Variants in PHF3 observed in about 807,000 individuals in gnomAD.
The protein encoded by PHF3 is PHD finger protein 3.
PHF3 carries 41 observed loss-of-function variants against 178.4 expected under a neutral mutation model. The observed-to-expected ratio is 0.23, with a 90% CI of 0.18 to 0.30. The LOEUF (loss-of-function observed/expected upper bound fraction) is 0.30. Ranked by LOEUF, PHF3 falls within the 10% of genes least tolerant of loss-of-function variation. PHF3 has a pLI of 1.00. For synonymous variants in PHF3, 842 were observed against 800.5 expected, an observed-to-expected ratio of 1.05 and a Z score of -0.88; for missense variants, 2,346 against 2,398.1, an observed-to-expected ratio of 0.98 and a Z score of 0.45.
chr6:63,715,064 AAAT>A lies in PHF3; in HGVS notation c.*1360_*1362del, dbSNP rs1264332817. ...TACCTGTATTAATGAAGAAAAATAT[AAAT>A]AATTCCACAAAATTGATTGTTTTCC... On this transcript the variant is annotated 3_prime_UTR_variant, in exon 16 of 16. Transcript: ENST00000262043. The A allele has an allele frequency of 1.3e-5, 2 of 152,148 alleles. No individual in the cohort carries two copies. Among genetic ancestry groups the A allele is most frequent in the Non-Finnish European group, 2.9e-5 (2 of 67,984 alleles). 9.4% of individuals were successfully genotyped at this position (152,148 alleles called of 1,614,324 possible).
Position 63,694,725 on chromosome 6 carries a change from A to G in PHF3, c.2641A>G (p.Thr881Ala). 6.3e-7 allele frequency: 1 copy of G among 1,576,488 alleles called. No homozygotes were observed. ...AAGTGAAAAAATACCGAAAGAGTCT[A>G]CAACTGTTACTTGCACAGGAGAAAA... ...EKSEKIPKES[T>A]TVTCTGEKAS... Residue 881 changes from threonine (T) to alanine (A), a missense_variant, in exon 6 of 16, where the codon ACA becomes GCA. Thr to Ala is a moderately conservative substitution (Grantham distance 58). This residue lies in a region of PHF3 where 252 missense variants were observed against 232.0 expected (regional missense o/e 1.09). Coordinates refer to ENST00000262043, the MANE Select transcript of PHF3 (RefSeq NM_001370348.2).
chr6:63,695,827 G>A (rs1358488874), intron 6 of PHF3, among the ~76,000 whole-genome samples: 15 of 152,126 alleles, frequency 9.9e-5, no homozygotes, highest in Admixed American at 9.8e-4. Context: ...ATTGGTGAAG[G>A]AAATAGAGTC....
chr6:63,685,605 A>C lies in PHF3; in HGVS notation c.1883A>C (p.His628Pro). ...HVSHSSQKQC[H>P]KPQQQAPAMK... ...TCACATTCTAGCCAGAAACAGTGTC[A>C]TAAGCCTCAGCAACAGGCCCCAGCA... The change falls in exon 4 of 16, where the codon CAT (histidine) becomes CCT (proline). Residue 628 changes from histidine (H) to proline (P), a missense_variant. By Grantham distance (77) the His-to-Pro change is moderately conservative. Coordinates refer to ENST00000262043, the MANE Select transcript of PHF3 (RefSeq NM_001370348.2). 6.2e-7 allele frequency: 1 copy of C among 1,614,166 alleles called. No homozygotes were observed. The highest frequency in any genetic ancestry group is 8.5e-7 in the Non-Finnish European group (1 of 1,180,030).
At position 63,714,885 on chromosome 6, in the gene PHF3, A is replaced by G. The variant is rs961336815; in HGVS notation, c.*1177A>G. On this transcript the variant is annotated 3_prime_UTR_variant, in exon 16 of 16. Coordinates refer to ENST00000262043, the MANE Select transcript of PHF3 (RefSeq NM_001370348.2). ...CATATGCCAGTTTTACTTGAAAAAAAAATATGAAAACTATTGTTAATTCAA... is the reference window on the plus strand; with the variant it reads ...CATATGCCAGTTTTACTTGAAAAAAGAATATGAAAACTATTGTTAATTCAA... 29 of 152,222 alleles carry G rather than the reference A, an allele frequency of 1.9e-4. No homozygotes were observed. The highest frequency in any genetic ancestry group is 6.7e-4 in the African/African-American group (28 of 41,538). 9.4% of individuals were successfully genotyped at this position (152,222 alleles called of 1,614,324 possible).
chr6:63,658,273 G>A (rs1012747260), intron 2 of PHF3, among the ~76,000 whole-genome samples: 2 of 152,106 alleles, frequency 1.3e-5, no homozygotes, highest in Admixed American at 6.6e-5. Context: ...TTCATGCTCT[G>A]TTTTAGTAAT....
Position 63,694,644 on chromosome 6 carries a change from G to A in PHF3, c.2560G>A (p.Ala854Thr), listed in dbSNP as rs73441021. 5.1e-4 allele frequency: 814 copies of A among 1,588,874 alleles called. 4 individuals carry two copies. In the African/African-American group the frequency reaches 0.01, roughly 20 times the overall value. The change falls in exon 6 of 16, where the codon GCT (alanine) becomes ACT (threonine). Residue 854 changes from alanine to threonine, a missense_variant. Around this residue, in one of 8 missense-constraint regions of PHF3, gnomAD observed 252 missense variants for 232.0 expected, o/e 1.09. Coordinates refer to ENST00000262043, the MANE Select transcript of PHF3 (RefSeq NM_001370348.2). ...TAATGAAATTAAAAAATGGCAGCTA[G>A]CTCCTCTTCGTAAGATGGGACAACC... The part of the protein sequence containing the change: ...RDNEIKKWQL[A>T]PLRKMGQPVL...
intron 6 of PHF3, among the ~76,000 whole-genome samples, chr6:63,697,942 A>G (rs1409145406): frequency 1.3e-5 from 2 of 152,208 alleles, no homozygotes; most frequent in African/African-American, 2.4e-5. Context: ...GTTCAGATCA[A>G]AATTTCTGAA....
chr6:63,657,156 C>T (rs1255346433), intron 2 of PHF3, among the ~76,000 whole-genome samples: 1 of 152,164 alleles, frequency 6.6e-6, no homozygotes, highest in Non-Finnish European at 1.5e-5. Flanking sequence ...TTATGTCTTT[C>T]TAGATGCTTA....
chr6:63,699,345 A>T (rs1178521465), intron 8 of PHF3, among the ~76,000 whole-genome samples: 1 of 152,200 alleles, frequency 6.6e-6, no homozygotes, highest in East Asian at 1.9e-4. Context: ...TTTGCTATAG[A>T]TTACTCTAGG....
Position 63,646,732 on chromosome 6 carries a change from A to G in PHF3, c.181A>G (p.Asn61Asp). The G allele has an allele frequency of 6.2e-7, 1 of 1,611,758 alleles. No individual in the cohort carries two copies. The highest frequency in any genetic ancestry group is 8.5e-7 in the Non-Finnish European group (1 of 1,179,200). ...DKDPMLGSASNQFCLPVLDSN... is the reference protein window; with the variant it reads ...DKDPMLGSASDQFCLPVLDSN... Reference sequence around the variant, plus strand: ...GGATCCTATGCTAGGATCTGCAAGTAACCAGTTCTGTTTGCCTGTTTTGGA... The same window carrying G: ...GGATCCTATGCTAGGATCTGCAAGTGACCAGTTCTGTTTGCCTGTTTTGGA... The change falls in exon 2 of 16, where the codon AAC becomes GAC. Residue 61 changes from asparagine (N) to aspartate (D), a missense_variant. Asn to Asp is a conservative substitution (Grantham distance 23). Coordinates refer to ENST00000262043, the MANE Select transcript of PHF3 (RefSeq NM_001370348.2).
At chr6:63,671,541 A>G (rs1282493856) in intron 2 of PHF3, among the ~76,000 whole-genome samples, 1 of 152,202 alleles carries the variant, frequency 6.6e-6, no homozygotes, top group African/African-American at 2.4e-5. Flanking sequence ...CATTGAGAGT[A>G]GCTGCATGCT....
chr6:63,689,469 A>G (rs72884692), intron 4 of PHF3, among the ~76,000 whole-genome samples: 13,935 of 152,136 alleles, frequency 0.092, 870 homozygotes, highest in Non-Finnish European at 0.13. Flanking sequence ...AAATGATTCT[A>G]TTTTTCTCTG....
At chr6:63,679,796 C>T (rs1334794757) in intron 2 of PHF3, 1 of 610,248 alleles carries the variant, frequency 1.6e-6, no homozygotes, top group African/African-American at 1.8e-5. Flanking sequence ...TGACTAATTA[C>T]TTTACAAGGT....
At chr6:63,664,818 A>T (rs1224258277) in intron 2 of PHF3, among the ~76,000 whole-genome samples, 3 of 152,112 alleles carry the variant, frequency 2.0e-5, no homozygotes, top group Non-Finnish European at 4.4e-5. Flanking sequence ...TCGATTATAC[A>T]TACATTTAAA....
intron 6 of PHF3, among the ~76,000 whole-genome samples, chr6:63,697,078 ATGT>A (rs1465001332): frequency 4.6e-5 from 7 of 152,240 alleles, no homozygotes; most frequent in East Asian, 3.9e-4. Flanking sequence ...GAGAGAGATG[ATGT>A]TGATGATGTA....
intron 2 of PHF3, among the ~76,000 whole-genome samples, chr6:63,663,393 C>G (rs991638952): frequency 2.6e-5 from 4 of 152,092 alleles, no homozygotes; most frequent in Admixed American, 2.0e-4. Flanking sequence ...TTTCATAATT[C>G]CTTGGCAGTG....
At chr6:63,706,922 T>A (rs1196028639) in intron 13 of PHF3, 46 bp downstream of exon 13, 18 of 1,556,760 alleles carry the variant, frequency 1.2e-5, no homozygotes, top group Non-Finnish European at 1.6e-5. Flanking sequence ...TGATAATGTG[T>A]GTTTCTGAAA....
chr6:63,674,558 C>G (rs1371343263), intron 2 of PHF3, among the ~76,000 whole-genome samples: 2 of 151,786 alleles, frequency 1.3e-5, no homozygotes, highest in East Asian at 3.9e-4. Flanking sequence ...ATCTGTTACT[C>G]ATTCATGAAG....
In PHF3 at chr6:63,645,000, C is replaced by T. The variant is rs2149538046; in HGVS notation, c.-25-1527C>T. On this transcript the variant is annotated intron_variant, in intron 1 of 15. Transcript: ENST00000262043. ...GGCTTAAGTGATCCTCCCAACTCAG[C>T]CGCCCGAGTGACTGGGTCTACAGGC... 3.9e-5 allele frequency among the ~76,000 whole-genome samples: 6 copies of T among 152,084 alleles called. 1 individual carries two copies. Among genetic ancestry groups the T allele is most frequent in the Admixed American group, 3.9e-4 (6 of 15,276 alleles).
Sources: gnomAD v4.1 joint callset for allele counts (sites outside exome capture counted in the v4.1 genomes callset) on GRCh38, gnomAD v4.1.1 for gene constraint, gnomAD v4.1.1 regional missense constraint, MANE v1.5 for transcripts, NCBI Gene and HGNC (gene_info 2026-07-23, HGNC 2026-07-21) for gene names.